The following ALK variants were observed in gnomAD, a reference collection of about 807,000 sequenced individuals.
ALK encodes the protein ALK tyrosine kinase receptor.
Under a neutral mutation model 163.1 loss-of-function variants are expected in ALK, and 74 were observed. That is an observed-to-expected ratio of 0.45 (90% CI 0.38 to 0.55). ALK has a LOEUF of 0.55. ALK is among the 20% of genes least tolerant of loss of function. The pLI is 0.00. For synonymous variants in ALK, 960 were observed against 843.2 expected (o/e 1.14, Z -2.40); for missense variants, 2,063 against 2,105.3 (o/e 0.98, Z 0.39).
chr2:29,816,911 C>A (rs1370316036), intron 1 of ALK, among the ~76,000 whole-genome samples: 1 of 152,170 alleles, frequency 6.6e-6, no homozygotes, highest in Non-Finnish European at 1.5e-5. Context: ...GAGGCTGAGA[C>A]AGGAATATGC....
At chr2:29,500,519 A>G (rs188367701) in intron 4 of ALK, among the ~76,000 whole-genome samples, 9 of 152,240 alleles carry the variant, frequency 5.9e-5, no homozygotes, top group Admixed American at 2.0e-4. Context: ...CAGAACTAAT[A>G]CAATGGCCAC....
chr2:29,669,254 T>C (rs1215387397), intron 3 of ALK, among the ~76,000 whole-genome samples: 1 of 152,090 alleles, frequency 6.6e-6, no homozygotes, highest in Admixed American at 6.6e-5. Flanking sequence ...TCTATTAGTG[T>C]TTGCTTTATA....
chr2:29,754,026 T>A (rs1191614295), intron 1 of ALK, among the ~76,000 whole-genome samples: 1 of 152,088 alleles, frequency 6.6e-6, no homozygotes, highest in Non-Finnish European at 1.5e-5. Flanking sequence ...CAGATGTGGA[T>A]GTTGGAAAAA....
intron 3 of ALK, among the ~76,000 whole-genome samples, chr2:29,668,981 C>T (rs994289187): frequency 1.3e-5 from 2 of 152,066 alleles, no homozygotes; most frequent in Admixed American, 1.3e-4. Context: ...ATTCAATTAC[C>T]TCCCACTGGG....
chr2:29,521,228 C>T (rs1202221363), intron 4 of ALK, among the ~76,000 whole-genome samples: 4 of 152,130 alleles, frequency 2.6e-5, no homozygotes, highest in African/African-American at 9.7e-5. Context: ...AACCTGGTGC[C>T]CTCAGGTGAG....
At position 29,382,281 on chromosome 2, in the gene ALK, T is replaced by C. The variant is rs76025130; in HGVS notation, c.1282+1451A>G. Among the ~76,000 whole-genome samples the C allele has an allele frequency of 7.9e-3, 1,208 of 152,196 alleles. 19 individuals carry two copies. The highest frequency in any genetic ancestry group is 0.028 in the African/African-American group (1,150 of 41,526). On this transcript the variant is annotated intron_variant, in intron 5 of 28. Coordinates refer to ENST00000389048, the MANE Select transcript of ALK (RefSeq NM_004304.5). ...GTCAACTCTATTGGTTTTGTAAAGATAGAAAAGCAGACAGGAACGGGTCTC... is the reference window on the plus strand; with the variant it reads ...GTCAACTCTATTGGTTTTGTAAAGACAGAAAAGCAGACAGGAACGGGTCTC...
At chr2:29,324,231 G>C (rs1355150932) in intron 6 of ALK, among the ~76,000 whole-genome samples, 1 of 152,198 alleles carries the variant, frequency 6.6e-6, no homozygotes, top group African/African-American at 2.4e-5. Flanking sequence ...TACAGTCATG[G>C]AGCTGTGACC....
At chr2:29,389,878 C>T (rs564281699) in intron 4 of ALK, among the ~76,000 whole-genome samples, 1 of 152,074 alleles carries the variant, frequency 6.6e-6, no homozygotes, top group South Asian at 2.1e-4. Flanking sequence ...CAGAAGGAAC[C>T]GGAGAATTAT....
chr2:29,920,923 C>A lies in ALK; in HGVS notation c.-264G>T. The A allele has an allele frequency of 1.9e-6, 1 of 522,380 alleles. No homozygotes were observed. Among genetic ancestry groups the A allele is most frequent in the African/African-American group, 1.9e-5 (1 of 52,214 alleles). The allele number at this position is 522,380 out of a possible 1,614,324, so 32.4% of individuals were successfully genotyped here. On this transcript the variant is annotated 5_prime_UTR_variant, in exon 1 of 29. Coordinates refer to ENST00000389048, the MANE Select transcript of ALK (RefSeq NM_004304.5). ...TGGGCTCACTGGCTGGGACCTTGAG[C>A]CTCCCGCTCTCCGCGCCGAGTGCCG...
intron 3 of ALK, among the ~76,000 whole-genome samples, chr2:29,632,359 T>C (rs1014093124): frequency 6.6e-6 from 1 of 152,158 alleles, no homozygotes; most frequent in Non-Finnish European, 1.5e-5. Context: ...ATGATTGTAT[T>C]TGGAGATAGG....
intron 12 of ALK, among the ~76,000 whole-genome samples, chr2:29,244,674 C>A (rs963410395): frequency 3.9e-5 from 6 of 152,230 alleles, no homozygotes; most frequent in Non-Finnish European, 8.8e-5. Context: ...TCACATGGAG[C>A]ATCGGTGGTG....
In ALK at chr2:29,592,436, G is replaced by A. The variant is rs554534658; in HGVS notation, c.953-60320C>T. On this transcript the variant is annotated intron_variant, in intron 3 of 28. Coordinates refer to ENST00000389048, the MANE Select transcript of ALK (RefSeq NM_004304.5). ...CAAGCAGGCTGCTTGGAGTTGCAAA[G>A]TATCCCTCTCGCCTGAGCTCTTGGG... Among the ~76,000 whole-genome samples the A allele has an allele frequency of 5.9e-5, 9 of 152,270 alleles. No individual in the cohort carries two copies. In the South Asian group the frequency reaches 1.9e-3, roughly 32 times the overall value.
intron 26 of ALK, among the ~76,000 whole-genome samples, chr2:29,201,187 C>T (rs543276676): frequency 5.9e-5 from 9 of 152,084 alleles, no homozygotes; most frequent in African/African-American, 2.2e-4. Context: ...TTTAAATGTC[C>T]ATCCAGTGGA....
chr2:29,487,843 G>A (rs1671813661), intron 4 of ALK, among the ~76,000 whole-genome samples: 1 of 152,098 alleles, frequency 6.6e-6, no homozygotes. Context: ...AGAACTCACA[G>A]CTTATGCATC....
intron 3 of ALK, among the ~76,000 whole-genome samples, chr2:29,574,347 A>T (rs1674464103): frequency 6.6e-6 from 1 of 152,232 alleles, no homozygotes; most frequent in African/African-American, 2.4e-5. Flanking sequence ...GGCTCTTTCT[A>T]AACCGAAACG....
intron 1 of ALK, among the ~76,000 whole-genome samples, chr2:29,763,420 A>G (rs978172329): frequency 4.6e-5 from 7 of 152,198 alleles, no homozygotes; most frequent in African/African-American, 1.7e-4. Context: ...TTCTGCCTGG[A>G]TGGAGAACTT....
chr2:29,516,924 C>T (rs1672683777), intron 4 of ALK, among the ~76,000 whole-genome samples: 1 of 152,204 alleles, frequency 6.6e-6, no homozygotes, highest in African/African-American at 2.4e-5. Context: ...TTCAGGCCTG[C>T]CTGGCACAAA....
chr2:29,776,545 T>C (rs1001520434), intron 1 of ALK, among the ~76,000 whole-genome samples: 1 of 152,186 alleles, frequency 6.6e-6, no homozygotes, highest in East Asian at 1.9e-4. Flanking sequence ...AGTGAAATGA[T>C]GGTGGTTGAA....
chr2:29,701,781 T>C (rs1678745840), intron 2 of ALK, among the ~76,000 whole-genome samples: 1 of 152,098 alleles, frequency 6.6e-6, no homozygotes. Flanking sequence ...CCCTATGAAT[T>C]AGGCAGGATT....
Sources: gnomAD v4.1 joint callset for allele counts (sites outside exome capture counted in the v4.1 genomes callset) on GRCh38, gnomAD v4.1.1 for gene constraint, MANE v1.5 for transcripts, NCBI Gene and HGNC (gene_info 2026-07-23, HGNC 2026-07-21) for gene names.